DPYD: variants seen among roughly 807,000 people sequenced by gnomAD.
DPYD encodes the protein dihydropyrimidine dehydrogenase [NADP(+)].
Under a neutral mutation model 116.2 loss-of-function variants are expected in DPYD, and 109 were observed. The ratio of observed to expected loss-of-function variants is 0.94; its 90% CI spans 0.80 to 1.10. DPYD has a LOEUF of 1.10. Ranked by LOEUF, DPYD falls within the 50% of genes least tolerant of loss-of-function variation. The probability of loss-of-function intolerance (pLI) is 0.00; values close to 1 mark genes in which losing one functional copy is unlikely to be tolerated. For synonymous variants in DPYD, 440 were observed against 432.0 expected (o/e 1.02, Z -0.23); for missense variants, 1,302 against 1,254.5 (o/e 1.04, Z -0.57).
intron 10 of DPYD, among the ~76,000 whole-genome samples, chr1:97,580,013 G>T (rs1366639536): frequency 1.3e-5 from 2 of 152,146 alleles, no homozygotes; most frequent in Admixed American, 1.3e-4. Flanking sequence ...TATGTAATGC[G>T]ATGATTTGGT....
At chr1:97,760,895 T>G (rs1249978890) in intron 3 of DPYD, among the ~76,000 whole-genome samples, 1 of 152,070 alleles carries the variant, frequency 6.6e-6, no homozygotes, top group Admixed American at 6.6e-5. Flanking sequence ...GTGGGCCAGG[T>G]GGATAGGACT....
chr1:97,902,132 G>A (rs1055749673), intron 1 of DPYD, among the ~76,000 whole-genome samples: 1 of 151,650 alleles, frequency 6.6e-6, no homozygotes, highest in African/African-American at 2.4e-5. Flanking sequence ...ATAGAGACTT[G>A]CAATAAATTG....
At chr1:97,409,940 T>C (rs1673883262) in intron 14 of DPYD, among the ~76,000 whole-genome samples, 1 of 152,054 alleles carries the variant, frequency 6.6e-6, no homozygotes, top group Admixed American at 6.6e-5. Context: ...TAGCTGGGTA[T>C]GGTGGTGCTC....
intron 21 of DPYD, among the ~76,000 whole-genome samples, chr1:97,084,745 T>C (rs898657228): frequency 6.6e-6 from 1 of 152,220 alleles, no homozygotes; most frequent in African/African-American, 2.4e-5. Flanking sequence ...TCTGCTATGC[T>C]GACTCATTTG....
chr1:97,324,953 T>C (rs975614802), intron 16 of DPYD, among the ~76,000 whole-genome samples: 1 of 152,094 alleles, frequency 6.6e-6, no homozygotes, highest in Non-Finnish European at 1.5e-5. Flanking sequence ...AATACCTGCA[T>C]GATTACCAAT....
At chr1:97,184,654 G>T (rs1357148658) in intron 20 of DPYD, among the ~76,000 whole-genome samples, 1 of 152,008 alleles carries the variant, frequency 6.6e-6, no homozygotes, top group African/African-American at 2.4e-5. Context: ...CATTGTAAAT[G>T]ACATTTTAAA....
chr1:97,861,521 A>G (rs928116581), intron 2 of DPYD, among the ~76,000 whole-genome samples: 6 of 151,980 alleles, frequency 3.9e-5, no homozygotes, highest in African/African-American at 1.4e-4. Flanking sequence ...GCAACACATA[A>G]AGGTAAAAAT....
At chr1:97,482,865 C>T (rs144558101) in intron 13 of DPYD, among the ~76,000 whole-genome samples, 23 of 152,240 alleles carry the variant, frequency 1.5e-4, no homozygotes, top group African/African-American at 5.1e-4. Flanking sequence ...CTCCAACTTC[C>T]TAAAATATTT....
intron 20 of DPYD, among the ~76,000 whole-genome samples, chr1:97,187,393 A>C (rs1658072116): frequency 6.6e-6 from 1 of 152,064 alleles, no homozygotes; most frequent in African/African-American, 2.4e-5. Context: ...ATGTCTGTTC[A>C]CGTCCTTTGC....
At chr1:97,751,444 GTGTGTGTGTGTGTGTGTA>G (rs1465514721) in intron 3 of DPYD, among the ~76,000 whole-genome samples, 3 of 26,588 alleles carry the variant, frequency 1.1e-4, no homozygotes, top group African/African-American at 3.3e-4. Flanking sequence ...GTGTGTGTGT[GTGTGTGTGTGTGTGTGTA>G]TATATATATA....
At chr1:97,713,999 A>G (rs952132002) in intron 5 of DPYD, among the ~76,000 whole-genome samples, 4 of 152,098 alleles carry the variant, frequency 2.6e-5, no homozygotes, top group African/African-American at 9.7e-5. Flanking sequence ...GTAATTTTTC[A>G]TTATCATGAT....
Position 97,515,706 on chromosome 1 carries a change from C to A in DPYD, c.1740+20G>T, listed in dbSNP as rs188837319. ...ATATATGATAGACATTTCTATATGACTTCAATAATATTTTCTTACCTTATC... is the reference window on the plus strand; with the variant it reads ...ATATATGATAGACATTTCTATATGAATTCAATAATATTTTCTTACCTTATC... On this transcript the variant is annotated intron_variant, in intron 13 of 22. Coordinates refer to ENST00000370192, the MANE Select transcript of DPYD (RefSeq NM_000110.4). 6.2e-7 allele frequency: 1 copy of A among 1,603,902 alleles called. No individual in the cohort carries two copies. Among genetic ancestry groups the A allele is most frequent in the Non-Finnish European group, 8.5e-7 (1 of 1,171,792 alleles).
chr1:97,687,148 A>G (rs749191133), intron 7 of DPYD, among the ~76,000 whole-genome samples: 5 of 152,060 alleles, frequency 3.3e-5, no homozygotes, highest in Middle Eastern at 3.2e-3. Context: ...GCAGCCACCT[A>G]TAATCCCAGC....
rs1557850692 is a variant in DPYD, at chr1:97,080,378, A to G, written c.2908-1232T>C. ...TATATATGTGTGTATATATATATAT[A>G]GTTGTTTAAAAAATTCCCCCCTCCA... is the stretch of plus-strand genomic sequence containing the variant. On this transcript the variant is annotated intron_variant, in intron 22 of 22. Coordinates refer to ENST00000370192, the MANE Select transcript of DPYD (RefSeq NM_000110.4). 2.0e-5 allele frequency among the ~76,000 whole-genome samples: 3 copies of G among 152,184 alleles called. No homozygotes were observed. In the East Asian group the frequency reaches 5.8e-4, roughly 29 times the overall value.
chr1:97,308,713 C>T (rs1015261664), intron 16 of DPYD, among the ~76,000 whole-genome samples: 40 of 151,776 alleles, frequency 2.6e-4, no homozygotes, highest in Non-Finnish European at 7.4e-5. Flanking sequence ...ACATCTTGAC[C>T]TTCTCATTTT....
intron 20 of DPYD, among the ~76,000 whole-genome samples, chr1:97,118,720 T>C (rs183065933): frequency 6.6e-6 from 1 of 152,288 alleles, no homozygotes; most frequent in Admixed American, 6.5e-5. Context: ...AGTCACCAAA[T>C]TTCCCTTTTA....
intron 8 of DPYD, among the ~76,000 whole-genome samples, chr1:97,619,605 C>T (rs947972349): frequency 5.3e-5 from 8 of 152,118 alleles, no homozygotes; most frequent in African/African-American, 1.9e-4. Context: ...TTAATGTTAA[C>T]GACCATTGCT....
At chr1:97,323,487 A>C (rs1006183757) in intron 16 of DPYD, among the ~76,000 whole-genome samples, 1 of 115,068 alleles carries the variant, frequency 8.7e-6, no homozygotes, top group Non-Finnish European at 2.0e-5. Flanking sequence ...ATATACACGT[A>C]TATATACATA....
At chr1:97,389,668 T>C (rs991168777) in intron 14 of DPYD, among the ~76,000 whole-genome samples, 14 of 152,106 alleles carry the variant, frequency 9.2e-5, no homozygotes, top group Admixed American at 6.6e-4. Context: ...TTAATAGTTT[T>C]GACTTTCATT....
Sources: gnomAD v4.1 joint callset for allele counts (sites outside exome capture counted in the v4.1 genomes callset) on GRCh38, gnomAD v4.1.1 for gene constraint, MANE v1.5 for transcripts, NCBI Gene and HGNC (gene_info 2026-07-23, HGNC 2026-07-21) for gene names.